FOXP2: variants seen among roughly 807,000 people sequenced by gnomAD.
FOXP2 encodes forkhead box protein P2.
Under a neutral mutation model 115.8 loss-of-function variants are expected in FOXP2, and 12 were observed. That is an observed-to-expected ratio of 0.10 (90% CI 0.07 to 0.17). FOXP2 has a LOEUF of 0.17. Among genes scored for constraint, FOXP2 ranks in the 10% least tolerant of loss-of-function variants. The pLI, the probability that FOXP2 is intolerant of heterozygous loss-of-function variation, is 1.00. For missense variants in FOXP2, 629 were observed against 843.5 expected, an observed-to-expected ratio of 0.75 and a Z score of 3.15; for synonymous variants, 328 against 297.7, an observed-to-expected ratio of 1.10 and a Z score of -1.05.
intron 2 of FOXP2, among the ~76,000 whole-genome samples, chr7:114,491,529 T>C (rs1489737960): frequency 6.6e-6 from 1 of 151,918 alleles, no homozygotes; most frequent in African/African-American, 2.4e-5. Flanking sequence ...CATTTGTCAA[T>C]TTTGGCTTTT....
intron 1 of FOXP2, among the ~76,000 whole-genome samples, chr7:114,267,588 G>A (rs1446727638): frequency 2.0e-5 from 3 of 151,652 alleles, no homozygotes; most frequent in Non-Finnish European, 4.4e-5. Context: ...TTAGCCAGGT[G>A]TGGTGGTGGG....
At chr7:114,137,909 T>C (rs1792085419) in intron 1 of FOXP2, among the ~76,000 whole-genome samples, 1 of 152,064 alleles carries the variant, frequency 6.6e-6, no homozygotes, top group Non-Finnish European at 1.5e-5. Flanking sequence ...ACATTAGTAG[T>C]GGCCATATCT....
At chr7:114,124,705 A>G (rs889800578) in intron 1 of FOXP2, among the ~76,000 whole-genome samples, 8 of 151,858 alleles carry the variant, frequency 5.3e-5, no homozygotes, top group African/African-American at 1.9e-4. Flanking sequence ...TTTTCTTCTC[A>G]TCCTCATCCT....
At chr7:114,188,012 A>G (rs1255771301) in intron 1 of FOXP2, among the ~76,000 whole-genome samples, 1 of 152,166 alleles carries the variant, frequency 6.6e-6, no homozygotes, top group Middle Eastern at 3.2e-3. Context: ...TACTATTACA[A>G]TGGCAATTAC....
At chr7:114,455,319 C>A (rs190100318) in intron 2 of FOXP2, among the ~76,000 whole-genome samples, 35 of 152,286 alleles carry the variant, frequency 2.3e-4, no homozygotes, top group African/African-American at 8.4e-4. Flanking sequence ...ATTTACCAGT[C>A]ATAAATGCTA....
intron 1 of FOXP2, among the ~76,000 whole-genome samples, chr7:114,099,891 T>C (rs1799739558): frequency 6.6e-6 from 1 of 152,180 alleles, no homozygotes; most frequent in Middle Eastern, 3.2e-3. Context: ...TTGGGATTCA[T>C]TTAACTGAAG....
intron 2 of FOXP2, among the ~76,000 whole-genome samples, chr7:114,524,796 A>G (rs1445309054): frequency 4.6e-5 from 7 of 152,124 alleles, no homozygotes; most frequent in South Asian, 2.1e-4. Context: ...ATTAAATTGA[A>G]TATATTTTAT....
chr7:114,644,077 T>C (rs1336806343), intron 7 of FOXP2, among the ~76,000 whole-genome samples: 1 of 152,188 alleles, frequency 6.6e-6, no homozygotes, highest in Non-Finnish European at 1.5e-5. Context: ...TGAGATTAAT[T>C]TGATGATTGT....
chr7:114,479,820 C>T (rs866156691), intron 2 of FOXP2, among the ~76,000 whole-genome samples: 15 of 151,176 alleles, frequency 9.9e-5, no homozygotes, highest in East Asian at 3.9e-4. Flanking sequence ...TATAGGTTAC[C>T]GCAGCAATTT....
intron 1 of FOXP2, among the ~76,000 whole-genome samples, chr7:114,198,708 G>C (rs145733943): frequency 7.0e-4 from 106 of 152,278 alleles, no homozygotes; most frequent in African/African-American, 2.4e-3. Flanking sequence ...GGCTGCTCTA[G>C]AATATCTTAA....
At chr7:114,255,812 C>G (rs1406762700) in intron 1 of FOXP2, among the ~76,000 whole-genome samples, 1 of 152,106 alleles carries the variant, frequency 6.6e-6, no homozygotes, top group Non-Finnish European at 1.5e-5. Context: ...CAACCACTGT[C>G]TGCCAAGCCC....
chr7:114,339,805 T>C (rs967034462), intron 2 of FOXP2, among the ~76,000 whole-genome samples: 3 of 151,240 alleles, frequency 2.0e-5, no homozygotes, highest in African/African-American at 7.2e-5. Context: ...TCTTTTAAAG[T>C]CAGAGTAAGA....
chr7:114,181,353 C>T (rs185769005), intron 1 of FOXP2, among the ~76,000 whole-genome samples: 1 of 151,548 alleles, frequency 6.6e-6, no homozygotes, highest in Non-Finnish European at 1.5e-5. Context: ...CCTTCTATAA[C>T]CTAAAATATT....
chr7:114,315,165 T>C (rs1797245852), intron 2 of FOXP2, among the ~76,000 whole-genome samples: 1 of 152,166 alleles, frequency 6.6e-6, no homozygotes, highest in African/African-American at 2.4e-5. Flanking sequence ...TTACATTTCC[T>C]CTCTGGGAAT....
intron 2 of FOXP2, among the ~76,000 whole-genome samples, chr7:114,487,852 C>G (rs1324744453): frequency 1.3e-5 from 2 of 152,318 alleles, no homozygotes; most frequent in Non-Finnish European, 2.9e-5. Context: ...CAACAAGTCT[C>G]TAGGAGGTTC....
intron 2 of FOXP2, among the ~76,000 whole-genome samples, chr7:114,340,866 G>T (rs534819629): frequency 1.3e-5 from 2 of 151,124 alleles, no homozygotes; most frequent in African/African-American, 4.8e-5. Flanking sequence ...TAAACATTCT[G>T]TGTTTGGATG....
At chr7:114,209,744 T>C (rs1225625143) in intron 1 of FOXP2, among the ~76,000 whole-genome samples, 1 of 152,190 alleles carries the variant, frequency 6.6e-6, no homozygotes, top group East Asian at 1.9e-4. Flanking sequence ...AGTATGTTTT[T>C]CAACTTTGTT....
In FOXP2 at chr7:114,629,909, G is replaced by GCAGCAGCAACAACAACAACAA; in HGVS notation, c.516_536dup (p.Gln185_Gln191dup). 2 of 1,609,724 alleles carry GCAGCAGCAACAACAACAACAA rather than the reference G, an allele frequency of 1.2e-6. No individual in the cohort carries two copies. Among genetic ancestry groups the GCAGCAGCAACAACAACAACAA allele is most frequent in the Non-Finnish European group, 1.7e-6 (2 of 1,178,508 alleles). ...AGCAGCAACAACAGCAGCAACAACA[G>GCAGCAGCAACAACAACAACAA]CAGCAGCAACAACAACAACAACAGC... On this transcript the variant is annotated inframe_insertion, in exon 5 of 17. Transcript: ENST00000350908.
chr7:114,119,009 A>C (rs1393887307), intron 1 of FOXP2, among the ~76,000 whole-genome samples: 2 of 152,174 alleles, frequency 1.3e-5, no homozygotes, highest in East Asian at 1.9e-4. Context: ...GGACAAAGAA[A>C]GTCCATTTTG....
Sources: allele counts gnomAD v4.1 joint callset (sites outside exome capture counted in the v4.1 genomes callset), GRCh38; gene constraint gnomAD v4.1.1; transcripts MANE v1.5; gene names NCBI Gene and HGNC (gene_info 2026-07-23, HGNC 2026-07-21).